PHEX: variants seen among roughly 807,000 people sequenced by gnomAD.
The protein encoded by PHEX is phosphate regulating endopeptidase X-linked.
In PHEX, 16 loss-of-function variants were observed where a neutral mutation model predicts 68.0. That is an observed-to-expected ratio of 0.24 (90% CI 0.16 to 0.36). PHEX has a LOEUF of 0.36. Ranked by LOEUF, PHEX falls within the 10% of genes least tolerant of loss-of-function variation. The pLI is 1.00. For synonymous variants in PHEX, 208 were observed against 205.1 expected (o/e 1.01, Z -0.12); for missense variants, 480 against 575.5 (o/e 0.83, Z 1.70).
At chrX:22,131,277 G>GA (rs1320883766) in intron 11 of PHEX, among the ~76,000 whole-genome samples, 4 of 111,564 alleles carry the variant, frequency 3.6e-5, no homozygotes, top group East Asian at 5.6e-4. Context: ...CTGACCTCAA[G>GA]TAATCTGCCC....
chrX:22,183,272 T>C (rs992097680), intron 14 of PHEX, among the ~76,000 whole-genome samples: 3 of 111,105 alleles, frequency 2.7e-5, no homozygotes, highest in South Asian at 3.8e-4. Flanking sequence ...CCCTCTTATG[T>C]TTCCATCCGG....
At chrX:22,128,624 A>AT (rs917687275) in intron 11 of PHEX, among the ~76,000 whole-genome samples, 2 of 111,533 alleles carry the variant, frequency 1.8e-5, no homozygotes, top group African/African-American at 3.3e-5. Flanking sequence ...GAGAGTGCTT[A>AT]TTTTTTTGAT....
chrX:22,088,105 C>T (rs1929702857), intron 5 of PHEX, among the ~76,000 whole-genome samples: 1 of 111,618 alleles, frequency 9.0e-6, no homozygotes, highest in East Asian at 2.8e-4. Flanking sequence ...CACTTTGTTC[C>T]CTGTTCCTGT....
chrX:22,236,858 A>AATTG (rs1326745398), intron 20 of PHEX, among the ~76,000 whole-genome samples: 1 of 112,602 alleles, frequency 8.9e-6, no homozygotes, highest in Non-Finnish European at 1.9e-5. Flanking sequence ...AAAATAAACT[A>AATTG]ATTGATTGAT....
At chrX:22,036,054 A>ATATATTTT (rs1349859330) in intron 1 of PHEX, among the ~76,000 whole-genome samples, 2 of 56,740 alleles carry the variant, frequency 3.5e-5, no homozygotes, top group Admixed American at 2.3e-4. Flanking sequence ...ATATATATAT[A>ATATATTTT]TTTTTTTTTT....
chrX:22,050,949 T>C (rs1317610361), intron 3 of PHEX, among the ~76,000 whole-genome samples: 1 of 112,268 alleles, frequency 8.9e-6, no homozygotes, highest in Non-Finnish European at 1.9e-5. Flanking sequence ...CACACATTTG[T>C]CTCTATATTT....
Position 22,159,645 on chromosome X carries a change from A to G in PHEX, c.1405-8667A>G, listed in dbSNP as rs150113262. 2.6e-3 allele frequency among the ~76,000 whole-genome samples: 289 copies of G among 112,625 alleles called. 7 individuals are homozygous for G. In the East Asian group the frequency reaches 0.064, roughly 25 times the overall value. ...TATTGGAACAGAGTCACAGCCATTC[A>G]TTTATGTGTTGTTCTAGCTTGTTTC... On this transcript the variant is annotated intron_variant, in intron 12 of 21. Transcript: ENST00000379374.
rs772500033 is a variant in PHEX at position 22,064,084 on chromosome X, A to G, written c.350-12304A>G. 3.6e-5 allele frequency among the ~76,000 whole-genome samples: 4 copies of G among 112,319 alleles called. No homozygotes were observed. The South Asian group carries it at 1.5e-3, about 41-fold the overall frequency. On this transcript the variant is annotated intron_variant, in intron 3 of 21. Coordinates refer to ENST00000379374, the MANE Select transcript of PHEX (RefSeq NM_000444.6). ...TACATGACGCTTTTTTATCACTTGGAATTTTATTTTGTGTTCATTGAAGTT... is the reference window on the plus strand; with the variant it reads ...TACATGACGCTTTTTTATCACTTGGGATTTTATTTTGTGTTCATTGAAGTT...
At chrX:22,210,839 T>A (rs1934897502) in intron 15 of PHEX, among the ~76,000 whole-genome samples, 1 of 110,798 alleles carries the variant, frequency 9.0e-6, no homozygotes, top group South Asian at 3.8e-4. Flanking sequence ...TAATAAAATA[T>A]AAAGAATATA....
At chrX:22,045,811 C>T (rs1033619037) in intron 2 of PHEX, among the ~76,000 whole-genome samples, 6 of 112,270 alleles carry the variant, frequency 5.3e-5, no homozygotes, top group Non-Finnish European at 9.4e-5. Flanking sequence ...CTGATGGCCC[C>T]AAGCTCCCTT....
intron 14 of PHEX, among the ~76,000 whole-genome samples, chrX:22,183,761 T>G (rs1933948745): frequency 9.0e-6 from 1 of 111,551 alleles, no homozygotes; most frequent in African/African-American, 3.3e-5. Flanking sequence ...TCACCAATTT[T>G]TTGGTGAATT....
At chrX:22,219,419 T>G (rs899426584) in intron 17 of PHEX, among the ~76,000 whole-genome samples, 1 of 112,218 alleles carries the variant, frequency 8.9e-6, no homozygotes, top group African/African-American at 3.2e-5. Flanking sequence ...GCTTCTCCCT[T>G]TGTCATTTAT....
intron 12 of PHEX, among the ~76,000 whole-genome samples, chrX:22,162,325 C>T (rs773924774): frequency 2.7e-5 from 3 of 112,448 alleles, no homozygotes; most frequent in South Asian, 3.7e-4. Flanking sequence ...TCTCCCTAAG[C>T]ATTTCTTTTC....
At chrX:22,042,004 AGACC>A (rs1435216658) in intron 2 of PHEX, among the ~76,000 whole-genome samples, 1 of 111,577 alleles carries the variant, frequency 9.0e-6, no homozygotes, top group Non-Finnish European at 1.9e-5. Flanking sequence ...GGCTCACCAA[AGACC>A]CAGTTCTCTT....
chrX:22,097,028 T>C lies in PHEX; in HGVS notation c.923T>C (p.Met308Thr), dbSNP rs1930171395. ...ATGAACATTTCTGAACTGAGTGCTA[T>C]GATTCCCCAGGTTGGTGAAAACTAT... ...NKMNISELSA[M>T]IPQFDWLGYI... The change falls in exon 8 of 22, where the codon ATG becomes ACG. Residue 308 changes from methionine to threonine, a missense_variant. Transcript: ENST00000379374. 1 of 1,190,164 alleles carries C rather than the reference T, an allele frequency of 8.4e-7. No individual in the cohort carries two copies. Among genetic ancestry groups the C allele is most frequent in the Non-Finnish European group, 1.1e-6 (1 of 876,960 alleles).
At chrX:22,204,562 G>A (rs5951725) in intron 15 of PHEX, among the ~76,000 whole-genome samples, 36 of 111,701 alleles carry the variant, frequency 3.2e-4, no homozygotes, top group Non-Finnish European at 5.3e-4. Flanking sequence ...TTGTTTGTTC[G>A]AAGGTTGCCC....
At chrX:22,128,636 A>G (rs1246750874) in intron 11 of PHEX, among the ~76,000 whole-genome samples, 2 of 111,519 alleles carry the variant, frequency 1.8e-5, no homozygotes, top group East Asian at 5.6e-4. Context: ...TTTTTTGATA[A>G]TTTATTTTAA....
chrX:22,045,383 T>C (rs1293682448), intron 2 of PHEX, among the ~76,000 whole-genome samples: 3 of 111,291 alleles, frequency 2.7e-5, no homozygotes, highest in Non-Finnish European at 5.6e-5. Context: ...TTCAATGTCA[T>C]TAAAATATTG....
intron 12 of PHEX, among the ~76,000 whole-genome samples, chrX:22,150,017 A>G (rs2086185636): frequency 8.9e-6 from 1 of 111,806 alleles, no homozygotes; most frequent in African/African-American, 3.3e-5. Context: ...AGCATCCTTT[A>G]TCAGCATCTA....
Sources: gnomAD v4.1 joint callset for allele counts (sites outside exome capture counted in the v4.1 genomes callset) on GRCh38, gnomAD v4.1.1 for gene constraint, MANE v1.5 for transcripts, NCBI Gene and HGNC (gene_info 2026-07-23, HGNC 2026-07-21) for gene names.